The following CA13 variants were observed in gnomAD, a reference collection of about 807,000 sequenced individuals.
CA13 encodes the protein CA-XIII.
CA13 carries 21 observed loss-of-function variants against 31.5 expected under a neutral mutation model. The observed-to-expected ratio is 0.67, with a 90% confidence interval of 0.47 to 0.96. The LOEUF is 0.96. Ranked by LOEUF, CA13 falls within the 40% of genes least tolerant of loss-of-function variation. The probability of loss-of-function intolerance (pLI) is 0.00; values close to 1 mark genes in which losing one functional copy is unlikely to be tolerated. For synonymous variants in CA13, 117 were observed against 111.4 expected (o/e 1.05, Z -0.32); for missense variants, 315 against 318.9 (o/e 0.99, Z 0.09).
intron 6 of CA13, among the ~76,000 whole-genome samples, chr8:85,280,915 GATTGAAAAAC>G (rs1163040067): frequency 6.6e-6 from 1 of 152,094 alleles, no homozygotes; most frequent in African/African-American, 2.4e-5. Flanking sequence ...TGTGTTTATA[GATTGAAAAAC>G]ATTGAAAAAC....
intron 6 of CA13, among the ~76,000 whole-genome samples, chr8:85,273,385 T>G (rs1348455281): frequency 1.3e-5 from 2 of 152,178 alleles, no homozygotes; most frequent in African/African-American, 4.8e-5. Flanking sequence ...CATTTTTACA[T>G]TGGGTTGTTT....
chr8:85,267,907 T>C lies in CA13; in HGVS notation c.456T>C (p.Gly152=), dbSNP rs34047437. Residue 152 remains glycine (G), a synonymous_variant, in exon 5 of 7, where the codon GGT becomes GGC. Coordinates refer to ENST00000321764, the MANE Select transcript of CA13 (RefSeq NM_198584.3). ...TTGAAATTTCATGTTTTTAGATTGG[T>C]GAACCTAATTCCCAACTGCAAAAGA... ...LAVLGVFLQI[G]EPNSQLQKIT... is the part of the protein sequence containing the mutation. 12,259 of 1,593,808 alleles carry C rather than the reference T, an allele frequency of 7.7e-3. 62 individuals carry two copies. Among genetic ancestry groups the C allele is most frequent in the Non-Finnish European group, 9.3e-3 (10,832 of 1,164,400 alleles).
rs145658588 is a variant in CA13 at position 85,249,868 on chromosome 8, T to C, written c.38-872T>C. 261 of 447,988 alleles carry C rather than the reference T, an allele frequency of 5.8e-4. 1 individual carries two copies. The highest frequency in any genetic ancestry group is 4.9e-3 in the African/African-American group (242 of 49,738). 27.8% of individuals were successfully genotyped at this position (447,988 alleles called of 1,614,324 possible). A position where few individuals can be genotyped will look rare whatever the true frequency, so the allele number is the denominator to read the frequency against. On this transcript the variant is annotated intron_variant, in intron 1 of 6. Transcript: ENST00000321764. Reference sequence around the variant, plus strand: ...GCTGATTTTGAGAGGCAAGACTTTATAGAGTCTTCCAAAGAAGTGAAGAGG... The same window carrying C: ...GCTGATTTTGAGAGGCAAGACTTTACAGAGTCTTCCAAAGAAGTGAAGAGG...
intron 6 of CA13, among the ~76,000 whole-genome samples, chr8:85,277,775 G>A (rs999686224): frequency 1.3e-5 from 2 of 152,182 alleles, no homozygotes; most frequent in African/African-American, 2.4e-5. Context: ...GGGTTTTATA[G>A]TTCTCTGTAA....
At chr8:85,260,171 A>G (rs1331097219) in intron 3 of CA13, among the ~76,000 whole-genome samples, 1 of 152,148 alleles carries the variant, frequency 6.6e-6, no homozygotes, top group Non-Finnish European at 1.5e-5. Context: ...CTTTTTCCTT[A>G]TAATTGTATT....
At chr8:85,261,909 A>G (rs905362465) in intron 3 of CA13, among the ~76,000 whole-genome samples, 2 of 151,798 alleles carry the variant, frequency 1.3e-5, no homozygotes, top group Admixed American at 1.3e-4. Flanking sequence ...GCCATGGTAC[A>G]AACATGGCTC....
chr8:85,247,649 C>T (rs1173554277), intron 1 of CA13, among the ~76,000 whole-genome samples: 1 of 152,060 alleles, frequency 6.6e-6, no homozygotes, highest in East Asian at 1.9e-4. Context: ...GGCTCACTGC[C>T]ATCTCCCTCT....
Position 85,268,625 on chromosome 8 carries a change from C to G in CA13, c.667C>G (p.Gln223Glu), listed in dbSNP as rs750300725. ...GCAACCTATAAACATCAGCTCTCAACAGGTACATAATCTCTTCCAGGTTGA... is the reference window on the plus strand; with the variant it reads ...GCAACCTATAAACATCAGCTCTCAAGAGGTACATAATCTCTTCCAGGTTGA... ...LKQPINISSQ[Q>E]LAKFRSLLCT... Residue 223 changes from glutamine to glutamate, a missense_variant and splice_region_variant, in exon 6 of 7, where the codon CAG becomes GAG. Transcript: ENST00000321764. 1 of 1,611,200 alleles carries G rather than the reference C, an allele frequency of 6.2e-7. No homozygotes were observed. Among genetic ancestry groups the G allele is most frequent in the Non-Finnish European group, 8.5e-7 (1 of 1,178,410 alleles).
rs1413842880 is a variant in CA13, at chr8:85,282,644, T to G, written c.*1295T>G. The G allele has an allele frequency of 6.6e-6, 1 of 152,234 alleles. No homozygotes were observed. The highest frequency in any genetic ancestry group is 1.5e-5 in the Non-Finnish European group (1 of 68,042). 9.4% of individuals were successfully genotyped at this position (152,234 alleles called of 1,614,324 possible). On this transcript the variant is annotated 3_prime_UTR_variant, in exon 7 of 7. Transcript: ENST00000321764. ...TCCATGGCAAAACTCACTTTTCTTT[T>G]TATACATGTCCTTCAGTCTCTTAAT...
intron 4 of CA13, chr8:85,267,260 T>A: frequency 1.0e-6 from 1 of 986,436 alleles, no homozygotes; most frequent in Non-Finnish European, 1.2e-6. Flanking sequence ...GTGTTGTAAC[T>A]CATGAACAGA....
chr8:85,263,479 G>A (rs1156535504), intron 3 of CA13, among the ~76,000 whole-genome samples: 3 of 152,224 alleles, frequency 2.0e-5, no homozygotes, highest in Non-Finnish European at 4.4e-5. Flanking sequence ...AGCAGTGACA[G>A]TAATTTGGAC....
At chr8:85,263,893 C>T (rs570448025) in intron 3 of CA13, among the ~76,000 whole-genome samples, 47 of 152,196 alleles carry the variant, frequency 3.1e-4, no homozygotes, top group Non-Finnish European at 5.7e-4. Context: ...TCCGTGATTC[C>T]AAGGAGTTGA....
At position 85,245,777 on chromosome 8, in the gene CA13, C is replaced by T. The variant is rs1813713233; in HGVS notation, c.-52C>T. On this transcript the variant is annotated 5_prime_UTR_variant, in exon 1 of 7. Transcript: ENST00000321764. Reference sequence around the variant, plus strand: ...TTCCCGGGCCCCTCCCCGCTCCCTCCTCTTTCTCGCTGCTCAGTCACATCT... The same window carrying T: ...TTCCCGGGCCCCTCCCCGCTCCCTCTTCTTTCTCGCTGCTCAGTCACATCT... The T allele has an allele frequency of 8.1e-6, 13 of 1,606,608 alleles. No homozygotes were observed. Among genetic ancestry groups the T allele is most frequent in the Non-Finnish European group, 1.1e-5 (13 of 1,173,424 alleles).
intron 4 of CA13, chr8:85,267,314 A>G: frequency 1.0e-6 from 1 of 985,854 alleles, no homozygotes; most frequent in Non-Finnish European, 1.2e-6. Flanking sequence ...TTGGACACCA[A>G]GTAGGGGTGG....
intron 2 of CA13, among the ~76,000 whole-genome samples, chr8:85,253,041 G>T (rs79426846): frequency 2.0e-5 from 3 of 151,956 alleles, no homozygotes; most frequent in Admixed American, 2.0e-4. Flanking sequence ...TGCCTTCCGG[G>T]TTCAAGCGAT....
rs778947157 is a variant in CA13, at chr8:85,270,558, C to T, written c.669+1931C>T. 6.3e-4 allele frequency among the ~76,000 whole-genome samples: 95 copies of T among 151,960 alleles called. 1 individual carries two copies. Among genetic ancestry groups the T allele is most frequent in the Non-Finnish European group, 3.1e-4 (21 of 68,006 alleles). Reference sequence around the variant, plus strand: ...CTTAATAAGGGAATTCATTTTTCTCCCTGTCACATGCTAAATGGTTTACTT... The same window carrying T: ...CTTAATAAGGGAATTCATTTTTCTCTCTGTCACATGCTAAATGGTTTACTT... On this transcript the variant is annotated intron_variant, in intron 6 of 6. Coordinates refer to ENST00000321764, the MANE Select transcript of CA13 (RefSeq NM_198584.3).
chr8:85,245,891 G>A (rs372593888), intron 1 of CA13, 26 bp downstream of exon 1: 30 of 1,613,962 alleles, frequency 1.9e-5, no homozygotes, highest in African/African-American at 1.1e-4. Flanking sequence ...TGATCCAAGG[G>A]GGGGTTTGTG....
intron 2 of CA13, 62 bp downstream of exon 2, chr8:85,250,999 CTCT>C (rs2129947570): frequency 7.7e-6 from 7 of 903,632 alleles, no homozygotes; most frequent in Non-Finnish European, 1.1e-5. Flanking sequence ...TTAGACTATA[CTCT>C]TTTTTTTTTT....
At chr8:85,277,231 C>T (rs1807625351) in intron 6 of CA13, among the ~76,000 whole-genome samples, 2 of 152,146 alleles carry the variant, frequency 1.3e-5, no homozygotes, top group Admixed American at 6.5e-5. Context: ...TTTGGGTCCA[C>T]ACTGCGTTTA....
Sources: gnomAD v4.1 joint callset for allele counts (sites outside exome capture counted in the v4.1 genomes callset) on GRCh38, gnomAD v4.1.1 for gene constraint, MANE v1.5 for transcripts, NCBI Gene and HGNC (gene_info 2026-07-23, HGNC 2026-07-21) for gene names.